Variants in MACROH2A1 observed in about 807,000 individuals in gnomAD.
The protein encoded by MACROH2A1 is core histone macro-H2A.1.
In MACROH2A1, 2 loss-of-function variants were observed where a neutral mutation model predicts 31.6. The observed-to-expected ratio is 0.06, with a 90% CI of 0.03 to 0.20. MACROH2A1 has a LOEUF of 0.20. Among genes scored for constraint, MACROH2A1 ranks in the 10% least tolerant of loss-of-function variants. The pLI is 1.00. For synonymous variants in MACROH2A1, 169 were observed against 189.6 expected (o/e 0.89, Z 0.89); for missense variants, 230 against 474.0 (o/e 0.49, Z 4.78).
intron 8 of MACROH2A1, among the ~76,000 whole-genome samples, chr5:135,336,915 TCTAA>T (rs34407984): frequency 1.3e-5 from 2 of 152,322 alleles, no homozygotes; most frequent in Admixed American, 6.5e-5. Context: ...TCAGGCTGCT[TCTAA>T]CTGTGGGCTG....
chr5:135,389,309 GC>G (rs1467679404), intron 1 of MACROH2A1, 183 bp from the exon 2 acceptor site: 1 of 419,740 alleles, frequency 2.4e-6, no homozygotes, highest in East Asian at 3.4e-5. Flanking sequence ...GAAAAGAAAG[GC>G]TTGGCTTTGC....
At chr5:135,345,762 A>T in intron 7 of MACROH2A1, 2 of 539,752 alleles carry the variant, frequency 3.7e-6, no homozygotes, top group South Asian at 5.1e-5. Flanking sequence ...ATTTTAAGTA[A>T]TAAAAAAAAA....
At position 135,334,912 on chromosome 5, in the gene MACROH2A1, ATTT is replaced by A; in HGVS notation, c.*61_*63del. The A allele has an allele frequency of 1.5e-6, 2 of 1,322,032 alleles. No homozygotes were observed. The highest frequency in any genetic ancestry group is 2.1e-6 in the Non-Finnish European group (2 of 950,950). 81.9% of individuals were successfully genotyped at this position (1,322,032 alleles called of 1,614,324 possible). On this transcript the variant is annotated 3_prime_UTR_variant, in exon 9 of 9. Transcript: ENST00000511689. ...CCACCTCCCAGTAGGAGTGAAGGGG[ATTT>A]TTTTTTTCTTTTAAACTGAAGGTGG... is the stretch of plus-strand genomic sequence containing the variant.
At chr5:135,348,705 G>A (rs1401840177) in intron 6 of MACROH2A1, among the ~76,000 whole-genome samples, 3 of 152,228 alleles carry the variant, frequency 2.0e-5, no homozygotes, top group Admixed American at 6.5e-5. Context: ...GTTTGGACTG[G>A]TCCGCTGGGC....
intron 2 of MACROH2A1, among the ~76,000 whole-genome samples, chr5:135,373,649 C>T (rs913546680): frequency 6.6e-6 from 1 of 152,160 alleles, no homozygotes; most frequent in Non-Finnish European, 1.5e-5. Flanking sequence ...ATCTCAGCTC[C>T]TTAGAAAGAG....
chr5:135,396,569 T>C (rs1320900639), intron 1 of MACROH2A1, among the ~76,000 whole-genome samples: 1 of 152,044 alleles, frequency 6.6e-6, no homozygotes. Context: ...CTCAAACACT[T>C]GTCCCCATCT....
At chr5:135,338,105 C>G in intron 8 of MACROH2A1, 1 of 653,374 alleles carries the variant, frequency 1.5e-6, no homozygotes, top group Non-Finnish European at 2.0e-6. Flanking sequence ...TAGGTGGATG[C>G]CCTGCAAGAG....
chr5:135,335,294 GA>G (rs1426021064), intron 8 of MACROH2A1, among the ~76,000 whole-genome samples, 153 bp from the exon 9 acceptor site: 1 of 152,236 alleles, frequency 6.6e-6, no homozygotes, highest in Non-Finnish European at 1.5e-5. Context: ...GCCAGTGTGG[GA>G]AAGCCCAGTG....
chr5:135,341,535 C>G (rs1378818942), intron 8 of MACROH2A1, among the ~76,000 whole-genome samples: 1 of 152,224 alleles, frequency 6.6e-6, no homozygotes, highest in Non-Finnish European at 1.5e-5. Flanking sequence ...TGGGTCCTGC[C>G]AGTCACACAT....
At chr5:135,358,730 C>G in intron 5 of MACROH2A1, 1 of 942,394 alleles carries the variant, frequency 1.1e-6, no homozygotes, top group Non-Finnish European at 1.3e-6. Context: ...TATAGAGTAT[C>G]AATACTTTTC....
At chr5:135,368,129 G>C (rs1258793018) in intron 4 of MACROH2A1, among the ~76,000 whole-genome samples, 1 of 152,212 alleles carries the variant, frequency 6.6e-6, no homozygotes, top group East Asian at 1.9e-4. Context: ...GTTGGCAAGA[G>C]GAATTTAGAT....
Position 135,369,684 on chromosome 5 carries a change from G to T in MACROH2A1, c.280-81C>A. On this transcript the variant is annotated intron_variant, in intron 3 of 8. Coordinates refer to ENST00000511689, the MANE Select transcript of MACROH2A1 (RefSeq NM_138610.3). This position sits in a 1 kb window ranked among gnomAD's most constrained non-coding sequence, Gnocchi z 4.3. ...CAAGAAGCCAGCCCTGCCCAGGACA[G>T]TCTTGCTTTGGGTTGGTGCAGCTCC... is the stretch of plus-strand genomic sequence containing the variant. The T allele has an allele frequency of 8.5e-7, 1 of 1,170,642 alleles. No individual in the cohort carries two copies. Among genetic ancestry groups the T allele is most frequent in the Non-Finnish European group, 1.3e-6 (1 of 790,348 alleles). 72.5% of individuals were successfully genotyped at this position (1,170,642 alleles called of 1,614,324 possible).
chr5:135,357,221 T>C (rs983974500), intron 5 of MACROH2A1: 2 of 152,140 alleles, frequency 1.3e-5, no homozygotes, highest in African/African-American at 4.8e-5. Context: ...GATAAGGACA[T>C]GGATAGATAC....
chr5:135,352,900 A>C, intron 6 of MACROH2A1, 46 bp downstream of exon 6: 1 of 1,032,450 alleles, frequency 9.7e-7, no homozygotes, highest in Middle Eastern at 2.0e-4. Flanking sequence ...GGGTTCCATA[A>C]CTTTTCATCT....
In MACROH2A1 at chr5:135,386,195, T is replaced by C. The variant is rs571260518; in HGVS notation, c.172+2727A>G. ...CAGTCAGTGTGGGTGTGTGGCACTG[T>C]TCTGAGGGGTGGAACAGAGCAGCAT... On this transcript the variant is annotated intron_variant, in intron 2 of 8. Coordinates refer to ENST00000511689, the MANE Select transcript of MACROH2A1 (RefSeq NM_138610.3). Among the ~76,000 whole-genome samples the C allele has an allele frequency of 2.6e-5, 4 of 152,288 alleles. No individual in the cohort carries two copies. In the South Asian group the frequency reaches 8.3e-4, roughly 32 times the overall value.
chr5:135,394,529 G>C (rs1767696023), intron 1 of MACROH2A1, among the ~76,000 whole-genome samples: 2 of 152,094 alleles, frequency 1.3e-5, no homozygotes, highest in South Asian at 4.1e-4. Context: ...GCAGACCCAG[G>C]GCCCAGCTAA....
Position 135,398,603 on chromosome 5 carries a change from G to C in MACROH2A1, c.-34+459C>G, listed in dbSNP as rs1182199617. The stretch of plus-strand genomic sequence containing the variant: ...GGGCCCGACTTATTGTGCCGGGGCC[G>C]GCAACTCGCGGGCCGGCGGGGGCCT... On this transcript the variant is annotated intron_variant, in intron 1 of 8. Coordinates refer to ENST00000511689, the MANE Select transcript of MACROH2A1 (RefSeq NM_138610.3). This position sits in a 1 kb window ranked among gnomAD's most constrained non-coding sequence, Gnocchi z 4.6. Among the ~76,000 whole-genome samples the C allele has an allele frequency of 6.6e-6, 1 of 152,200 alleles. No homozygotes were observed. The highest frequency in any genetic ancestry group is 1.5e-5 in the Non-Finnish European group (1 of 68,036).
At chr5:135,378,655 CT>C (rs938744838) in intron 2 of MACROH2A1, among the ~76,000 whole-genome samples, 1 of 152,134 alleles carries the variant, frequency 6.6e-6, no homozygotes, top group African/African-American at 2.4e-5. Context: ...GGTTTCTGTG[CT>C]GTGTGATTTT....
intron 4 of MACROH2A1, chr5:135,361,306 A>G (rs904322772): frequency 2.0e-5 from 3 of 153,620 alleles, no homozygotes; most frequent in African/African-American, 7.3e-5. Context: ...ACTTCCTAAC[A>G]TTTTCCTACA....
Sources: allele counts gnomAD v4.1 joint callset (sites outside exome capture counted in the v4.1 genomes callset), GRCh38; gene constraint gnomAD v4.1.1; non-coding constraint Gnocchi (gnomAD v3.1); transcripts MANE v1.5; gene names NCBI Gene and HGNC (gene_info 2026-07-23, HGNC 2026-07-21).